Variants in ZBTB8A observed in about 807,000 individuals in gnomAD.
ZBTB8A encodes the protein zinc finger and BTB domain-containing protein 8A.
Under a neutral mutation model 37.8 loss-of-function variants are expected in ZBTB8A, and 19 were observed. The observed-to-expected ratio is 0.50, with a 90% CI of 0.35 to 0.74. ZBTB8A has a LOEUF of 0.74. Among genes scored for constraint, ZBTB8A ranks in the 30% least tolerant of loss-of-function variants. ZBTB8A has a pLI of 0.01. For missense variants in ZBTB8A, 394 were observed against 537.8 expected (o/e 0.73, Z 2.65); for synonymous variants, 181 against 185.2 (o/e 0.98, Z 0.19).
intron 2 of ZBTB8A, among the ~76,000 whole-genome samples, chr1:32,579,512 T>C (rs1644388281): frequency 6.6e-6 from 1 of 152,038 alleles, no homozygotes; most frequent in East Asian, 1.9e-4. Flanking sequence ...GTGTGAGCTC[T>C]GGGAATTTTT....
intron 2 of ZBTB8A, among the ~76,000 whole-genome samples, chr1:32,555,061 G>A (rs1644190130): frequency 6.6e-6 from 1 of 152,136 alleles, no homozygotes; most frequent in African/African-American, 2.4e-5. Context: ...GTCACTGTCT[G>A]GGTTAAAGCC....
intron 1 of ZBTB8A, among the ~76,000 whole-genome samples, chr1:32,552,580 T>TG (rs1447531350): frequency 6.6e-6 from 1 of 151,988 alleles, no homozygotes; most frequent in East Asian, 1.9e-4. Flanking sequence ...GCAGGGGAAT[T>TG]GCTCAAACCA....
chr1:32,554,775 G>A (rs1266707382), intron 2 of ZBTB8A, among the ~76,000 whole-genome samples: 1 of 151,850 alleles, frequency 6.6e-6, no homozygotes, highest in African/African-American at 2.4e-5. Flanking sequence ...CACCGCACCC[G>A]GCTTTATCTT....
chr1:32,586,579 A>G (rs1644451488), intron 2 of ZBTB8A, among the ~76,000 whole-genome samples: 1 of 151,816 alleles, frequency 6.6e-6, no homozygotes, highest in African/African-American at 2.4e-5. Flanking sequence ...GTGACGTTGG[A>G]ACAGAAACCT....
intron 2 of ZBTB8A, among the ~76,000 whole-genome samples, chr1:32,571,871 C>G (rs1644324956): frequency 6.6e-6 from 1 of 152,024 alleles, no homozygotes; most frequent in Non-Finnish European, 1.5e-5. Context: ...ACCACTGCGC[C>G]CGGCCACAAA....
chr1:32,555,172 A>G (rs12136580), intron 2 of ZBTB8A, among the ~76,000 whole-genome samples: 18,211 of 152,052 alleles, frequency 0.12, 1,249 homozygotes, highest in African/African-American at 0.2. Flanking sequence ...GGCAGATCAC[A>G]AGGTCAGGAG....
Position 32,600,243 on chromosome 1 carries a change from G to A in ZBTB8A, c.1150G>A (p.Glu384Lys). The change falls in exon 5 of 5, where the codon GAA becomes AAA. Residue 384 changes from glutamate to lysine, a missense_variant. Glu to Lys is a moderately conservative substitution (Grantham distance 56). Transcript: ENST00000373510. ...IDSLPIDLEA[E>K]QHLMSPSDGD... The stretch of plus-strand genomic sequence containing the variant: ...CAGCCTCCCCATTGACTTGGAAGCT[G>A]AACAACATCTTATGTCCCCATCAGA... 6.2e-7 allele frequency: 1 copy of A among 1,614,102 alleles called. No individual in the cohort carries two copies. Among genetic ancestry groups the A allele is most frequent in the Non-Finnish European group, 8.5e-7 (1 of 1,179,998 alleles).
At position 32,565,568 on chromosome 1, in the gene ZBTB8A, C is replaced by T. The variant is rs748282827; in HGVS notation, c.-2+12028C>T. Among the ~76,000 whole-genome samples, 23 of 150,970 alleles carry T rather than the reference C, an allele frequency of 1.5e-4. 1 individual carries two copies. The highest frequency in any genetic ancestry group is 3.3e-3 in the Middle Eastern group (1 of 304). The stretch of plus-strand genomic sequence containing the variant: ...ACTCAGGAGGCTGAGGTGAGAGGAC[C>T]TCTTGAGCCCAGGAGTCTGAGGCTG... On this transcript the variant is annotated intron_variant, in intron 2 of 4. Transcript: ENST00000373510.
chr1:32,599,959 A>G, intron 4 of ZBTB8A, 128 bp from the exon 5 acceptor site: 2 of 694,858 alleles, frequency 2.9e-6, no homozygotes, highest in Middle Eastern at 2.7e-4. Flanking sequence ...TCTTTCTCTA[A>G]ATAATAGATG....
intron 1 of ZBTB8A, among the ~76,000 whole-genome samples, chr1:32,546,359 A>G (rs1008382173): frequency 2.6e-5 from 4 of 152,040 alleles, no homozygotes; most frequent in Non-Finnish European, 4.4e-5. Context: ...CATGAGAATC[A>G]CTTGAACCCA....
At chr1:32,574,667 A>T (rs1644347088) in intron 2 of ZBTB8A, among the ~76,000 whole-genome samples, 1 of 152,212 alleles carries the variant, frequency 6.6e-6, no homozygotes, top group South Asian at 2.1e-4. Flanking sequence ...GTCTATCTTG[A>T]TTAATGTTTG....
At chr1:32,560,718 G>A (rs1315899087) in intron 2 of ZBTB8A, among the ~76,000 whole-genome samples, 3 of 142,242 alleles carry the variant, frequency 2.1e-5, no homozygotes, top group African/African-American at 7.9e-5. Flanking sequence ...TGCCTACCAA[G>A]TTCAAGCAAT....
At chr1:32,595,811 G>C (rs1644526218) in intron 4 of ZBTB8A, among the ~76,000 whole-genome samples, 1 of 151,768 alleles carries the variant, frequency 6.6e-6, no homozygotes, top group Non-Finnish European at 1.5e-5. Context: ...CAACATGCCA[G>C]GCTAATTTTT....
intron 2 of ZBTB8A, among the ~76,000 whole-genome samples, chr1:32,579,279 T>C (rs1340510043): frequency 6.6e-6 from 1 of 151,704 alleles, no homozygotes; most frequent in Non-Finnish European, 1.5e-5. Context: ...TGAAACCCCG[T>C]CTCTACTAAA....
At chr1:32,592,334 G>A (rs1644495944) in intron 2 of ZBTB8A, among the ~76,000 whole-genome samples, 1 of 151,824 alleles carries the variant, frequency 6.6e-6, no homozygotes, top group Non-Finnish European at 1.5e-5. Context: ...CCAGGAGTTG[G>A]AGACCAGCTC....
chr1:32,550,731 G>C (rs1644146140), intron 1 of ZBTB8A, among the ~76,000 whole-genome samples: 2 of 152,138 alleles, frequency 1.3e-5, no homozygotes, highest in South Asian at 4.1e-4. Flanking sequence ...GGCCGAGGCA[G>C]GCGGATCACA....
At chr1:32,565,904 T>A (rs1271787026) in intron 2 of ZBTB8A, among the ~76,000 whole-genome samples, 5 of 151,868 alleles carry the variant, frequency 3.3e-5, no homozygotes, top group Admixed American at 3.3e-4. Context: ...GCTAGACCAA[T>A]TAAGAGAATA....
intron 2 of ZBTB8A, among the ~76,000 whole-genome samples, chr1:32,567,791 CAAAAAAAAAA>C (rs1214976482): frequency 3.1e-4 from 2 of 6,442 alleles, no homozygotes; most frequent in Non-Finnish European, 5.4e-4. Context: ...GATTCTGTCT[CAAAAAAAAAA>C]AAAAAAAAAA....
intron 2 of ZBTB8A, among the ~76,000 whole-genome samples, chr1:32,564,892 C>T (rs983800886): frequency 7.9e-5 from 12 of 152,134 alleles, no homozygotes; most frequent in Admixed American, 7.2e-4. Flanking sequence ...CACCTCCTAC[C>T]AAATGCAGTC....
Sources: gnomAD v4.1 joint callset for allele counts (sites outside exome capture counted in the v4.1 genomes callset) on GRCh38, gnomAD v4.1.1 for gene constraint, MANE v1.5 for transcripts, NCBI Gene and HGNC (gene_info 2026-07-23, HGNC 2026-07-21) for gene names.